The following TPRG1 variants were observed in gnomAD, a reference collection of about 807,000 sequenced individuals.
TPRG1 encodes tumor protein p63-regulated gene 1 protein.
TPRG1 carries 29 observed loss-of-function variants against 29.3 expected under a neutral mutation model. The ratio of observed to expected loss-of-function variants is 0.99; its 90% CI spans 0.74 to 1.35. The LOEUF is 1.35. Among genes scored for constraint, TPRG1 ranks in the 40% most tolerant of loss-of-function variants. The pLI is 0.00. For missense variants in TPRG1, 327 were observed against 335.0 expected, an observed-to-expected ratio of 0.98 and a Z score of 0.19; for synonymous variants, 130 against 116.8, an observed-to-expected ratio of 1.11 and a Z score of -0.73.
intron 1 of TPRG1, among the ~76,000 whole-genome samples, chr3:189,173,736 C>G (rs775074137): frequency 6.6e-6 from 1 of 151,940 alleles, no homozygotes; most frequent in Non-Finnish European, 1.5e-5. Context: ...TTTCATTGCC[C>G]ACAATATGTA....
chr3:189,228,904 T>C (rs941201513), intron 3 of TPRG1, among the ~76,000 whole-genome samples: 1 of 152,182 alleles, frequency 6.6e-6, no homozygotes, highest in African/African-American at 2.4e-5. Flanking sequence ...CCAGATCTAA[T>C]AAATTATTTC....
At chr3:189,202,224 G>C (rs557580549) in intron 1 of TPRG1, among the ~76,000 whole-genome samples, 1 of 152,102 alleles carries the variant, frequency 6.6e-6, no homozygotes, top group Non-Finnish European at 1.5e-5. Context: ...AAGATCATGC[G>C]GTTTTTCTGT....
At chr3:189,085,669 C>A (rs145376208) in intron 4 of TPRG1, among the ~76,000 whole-genome samples, 4 of 152,308 alleles carry the variant, frequency 2.6e-5, no homozygotes, top group Non-Finnish European at 5.9e-5. Flanking sequence ...GAGATTACAA[C>A]TTTCCTTCCA....
Position 189,273,058 on chromosome 3 carries a change from C to T in TPRG1, c.479+34149C>T, listed in dbSNP as rs61265063. On this transcript the variant is annotated intron_variant, in intron 4 of 5. Transcript: ENST00000345063. ...GAGAATCCACTGCTTCCTGCTCGGC[C>T]TCTCTGACTCTGGTAGAATCTAGTT... Among the ~76,000 whole-genome samples the T allele has an allele frequency of 6.6e-5, 10 of 152,294 alleles. No homozygotes were observed. The East Asian group carries it at 1.9e-3, about 29-fold the overall frequency.
At chr3:189,294,182 T>G (rs566462105) in intron 4 of TPRG1, among the ~76,000 whole-genome samples, 1 of 152,208 alleles carries the variant, frequency 6.6e-6, no homozygotes, top group African/African-American at 2.4e-5. Context: ...GGAAACTGAC[T>G]GGTGATTTTG....
chr3:189,161,841 C>T (rs1727531759), intron 5 of TPRG1, among the ~76,000 whole-genome samples: 1 of 151,952 alleles, frequency 6.6e-6, no homozygotes, highest in Non-Finnish European at 1.5e-5. Context: ...TATGGAGGGT[C>T]AAGGTGAAGG....
At chr3:189,155,307 A>G (rs1326187997) in intron 5 of TPRG1, among the ~76,000 whole-genome samples, 2 of 152,192 alleles carry the variant, frequency 1.3e-5, no homozygotes, top group African/African-American at 4.8e-5. Flanking sequence ...AAGTGATAAT[A>G]GAGTCTGGGA....
intron 2 of TPRG1, among the ~76,000 whole-genome samples, chr3:189,127,907 G>A (rs980163653): frequency 6.6e-6 from 1 of 152,122 alleles, no homozygotes; most frequent in Non-Finnish European, 1.5e-5. Context: ...ATGTAAAAAT[G>A]TTGTGTTCAA....
At chr3:189,293,816 CT>C (rs1449399242) in intron 4 of TPRG1, among the ~76,000 whole-genome samples, 1 of 152,196 alleles carries the variant, frequency 6.6e-6, no homozygotes, top group Non-Finnish European at 1.5e-5. Flanking sequence ...CTTGCTTTTA[CT>C]CTCCAAAATC....
intron 4 of TPRG1, among the ~76,000 whole-genome samples, chr3:189,037,742 A>G (rs1181268980): frequency 6.6e-6 from 1 of 151,874 alleles, no homozygotes; most frequent in African/African-American, 2.4e-5. Flanking sequence ...ACAACTAGTA[A>G]GAGTATTTCT....
At chr3:189,294,169 A>T (rs1719487683) in intron 4 of TPRG1, among the ~76,000 whole-genome samples, 1 of 152,232 alleles carries the variant, frequency 6.6e-6, no homozygotes, top group African/African-American at 2.4e-5. Context: ...GGTTATGCCC[A>T]TAGGAAACTG....
intron 4 of TPRG1, among the ~76,000 whole-genome samples, chr3:189,275,108 G>T (rs1234267255): frequency 6.6e-6 from 1 of 152,164 alleles, no homozygotes; most frequent in East Asian, 1.9e-4. Context: ...AGAATCACCT[G>T]CAGTGAAGTC....
rs1287687636 is a variant in TPRG1 at position 189,302,294 on chromosome 3, T to C, written c.480-8092T>C. 2.0e-5 allele frequency among the ~76,000 whole-genome samples: 3 copies of C among 152,216 alleles called. No individual in the cohort carries two copies. In the East Asian group the frequency reaches 5.8e-4, roughly 29 times the overall value. On this transcript the variant is annotated intron_variant, in intron 4 of 5. Transcript: ENST00000345063. ...GACGTATTGAATGAATGAAGCCTTT[T>C]TTGATACCTTTAACTATGAGAGATT... is the stretch of plus-strand genomic sequence containing the variant.
At chr3:189,043,258 T>TG (rs1714745342) in intron 4 of TPRG1, among the ~76,000 whole-genome samples, 1 of 152,196 alleles carries the variant, frequency 6.6e-6, no homozygotes, top group Non-Finnish European at 1.5e-5. Context: ...ATTCTTTCTT[T>TG]GGGGAAACAA....
chr3:189,267,376 A>G (rs1206016130), intron 4 of TPRG1, among the ~76,000 whole-genome samples: 2 of 152,210 alleles, frequency 1.3e-5, no homozygotes, highest in African/African-American at 4.8e-5. Flanking sequence ...CTTGCCCTCA[A>G]ATAGCTTGAG....
intron 3 of TPRG1, among the ~76,000 whole-genome samples, chr3:189,011,105 T>C (rs1335065677): frequency 6.6e-6 from 1 of 152,186 alleles, no homozygotes; most frequent in African/African-American, 2.4e-5. Context: ...TGTTTTCTAT[T>C]CTGTTAGATT....
At chr3:189,285,586 C>A (rs111867279) in intron 4 of TPRG1, among the ~76,000 whole-genome samples, 1 of 152,200 alleles carries the variant, frequency 6.6e-6, no homozygotes, top group Non-Finnish European at 1.5e-5. Flanking sequence ...AAGAGCAAAG[C>A]GTTTCCTAAC....
upstream of TPRG1, among the ~76,000 whole-genome samples, chr3:189,168,713 G>A (rs75310063): frequency 5.8e-3 from 881 of 152,314 alleles, 10 homozygotes; most frequent in African/African-American, 0.021. Context: ...GCTGCTGCCA[G>A]TATCTGTTCA....
chr3:189,271,748 G>A (rs1256333373), intron 4 of TPRG1, among the ~76,000 whole-genome samples: 6 of 152,206 alleles, frequency 3.9e-5, no homozygotes, highest in Non-Finnish European at 4.4e-5. Flanking sequence ...ACAGAGACAT[G>A]GACGACTGAG....
Sources: gnomAD v4.1 joint callset for allele counts (sites outside exome capture counted in the v4.1 genomes callset) on GRCh38, gnomAD v4.1.1 for gene constraint, MANE v1.5 for transcripts, NCBI Gene and HGNC (gene_info 2026-07-23, HGNC 2026-07-21) for gene names.